POM121: variants seen among roughly 807,000 people sequenced by gnomAD.
The protein encoded by POM121 is nuclear envelope pore membrane protein POM 121.
A neutral mutation model predicts 81.3 loss-of-function variants in POM121; 32 were observed. The ratio of observed to expected loss-of-function variants is 0.39; its 90% CI spans 0.30 to 0.53. The LOEUF (loss-of-function observed/expected upper bound fraction) is 0.53, where lower values mean the gene tolerates loss of function less well. Among genes scored for constraint, POM121 ranks in the 20% least tolerant of loss-of-function variants. POM121 has a pLI of 0.66. For synonymous variants in POM121, 514 were observed against 694.2 expected (o/e 0.74, Z 4.08); for missense variants, 1,138 against 1,614.6 (o/e 0.70, Z 5.06).
In POM121 at chr7:72,899,640, G is replaced by A. The variant is rs1367362714; in HGVS notation, c.-216+8530G>A. 6.7e-5 allele frequency among the ~76,000 whole-genome samples: 10 copies of A among 148,760 alleles called. No homozygotes were observed. The Admixed American group carries it at 6.8e-4, about 10-fold the overall frequency. ...GTCGCCCAGGCTGGAGTGCAGTGGC[G>A]CACTCTCGGCTCACTGCAAGCTCCG... On this transcript the variant is annotated intron_variant, in intron 3 of 15. Transcript: ENST00000395270.
chr7:72,899,281 G>A (rs572046466), intron 3 of POM121, among the ~76,000 whole-genome samples: 3 of 152,120 alleles, frequency 2.0e-5, no homozygotes, highest in East Asian at 3.9e-4. Context: ...CACAGTGCCC[G>A]GCCTATTTTG....
At chr7:72,889,213 T>C (rs2129574744) in intron 1 of POM121, among the ~76,000 whole-genome samples, 1 of 152,366 alleles carries the variant, frequency 6.6e-6, no homozygotes, top group Non-Finnish European at 1.5e-5. Flanking sequence ...TTTTATCAGC[T>C]CCTTTGGCCT....
chr7:72,891,930 G>A (rs1429645358), intron 3 of POM121, among the ~76,000 whole-genome samples: 2 of 152,116 alleles, frequency 1.3e-5, no homozygotes, highest in South Asian at 2.1e-4. Context: ...TGTGGTGTAC[G>A]TTATTTCCCC....
chr7:72,922,110 ACT>A (rs1794867949), upstream of POM121, among the ~76,000 whole-genome samples: 1 of 152,182 alleles, frequency 6.6e-6, no homozygotes, highest in Non-Finnish European at 1.5e-5. Flanking sequence ...AAATCCTGTT[ACT>A]TTAGTCTTTA....
chr7:72,942,915 C>T lies in POM121; in HGVS notation c.2922C>T (p.Ala974=), dbSNP rs141295916. 5.4e-4 allele frequency: 863 copies of T among 1,601,332 alleles called. No individual in the cohort carries two copies. The African/African-American group carries it at 9.4e-3, about 17-fold the overall frequency. Residue 974 remains alanine, a synonymous_variant, in exon 11 of 13, where the codon GCC becomes GCT. Coordinates refer to ENST00000434423, the MANE Select transcript of POM121 (RefSeq NM_001387691.1). The part of the protein sequence containing the change: ...PGANPQPAFG[A]AEGQPPGAAK... ...CCAACCCCCAGCCCGCATTTGGGGC[C>T]GCTGAGGGGCAGCCACCGGGGGCCG...
chr7:72,927,078 C>A, intron 3 of POM121, 115 bp downstream of exon 3: 1 of 1,529,044 alleles, frequency 6.5e-7, no homozygotes, highest in Admixed American at 1.8e-5. Flanking sequence ...CCTTCGTAGG[C>A]CCCCTTCTTT....
At chr7:72,918,992 G>T (rs1247213152) in intron 4 of POM121, among the ~76,000 whole-genome samples, 1 of 152,022 alleles carries the variant, frequency 6.6e-6, no homozygotes, top group Non-Finnish European at 1.5e-5. Flanking sequence ...GTAGAGACAG[G>T]GTTTCACCGT....
At chr7:72,905,899 C>T (rs1219635427) in intron 3 of POM121, among the ~76,000 whole-genome samples, 23 of 152,096 alleles carry the variant, frequency 1.5e-4, no homozygotes, top group Admixed American at 6.6e-4. Flanking sequence ...TCTAAGCTTC[C>T]GTATATCCTG....
intron 3 of POM121, among the ~76,000 whole-genome samples, chr7:72,901,147 T>G (rs1184292430): frequency 1.3e-5 from 2 of 151,878 alleles, no homozygotes; most frequent in Non-Finnish European, 2.9e-5. Flanking sequence ...CACCATGCCC[T>G]GCTGACAGGT....
At chr7:72,934,189 A>G (rs1796292952) in intron 5 of POM121, among the ~76,000 whole-genome samples, 1 of 151,898 alleles carries the variant, frequency 6.6e-6, no homozygotes. Flanking sequence ...GGTTCAAGCA[A>G]TTCCCCAGTC....
chr7:72,936,758 A>G (rs1796551389), intron 5 of POM121, among the ~76,000 whole-genome samples: 1 of 152,090 alleles, frequency 6.6e-6, no homozygotes, highest in East Asian at 1.9e-4. Context: ...TGTATCCCTC[A>G]GTGTCTGGAG....
At chr7:72,926,704 G>A (rs564579028) in intron 2 of POM121, 98 bp from the exon 3 acceptor site, 18 of 1,525,242 alleles carry the variant, frequency 1.2e-5, no homozygotes, top group Non-Finnish European at 1.6e-5. Context: ...TTATACTTTG[G>A]CCTGTTGGTT....
At chr7:72,890,613 T>C (rs1791211254) in intron 1 of POM121, 2 of 1,599,552 alleles carry the variant, frequency 1.3e-6, no homozygotes, top group Non-Finnish European at 8.5e-7. Context: ...ATTCTGATCA[T>C]GTTGCCATTA....
rs1276021431 is a variant in POM121, at chr7:72,940,897, G to A, written c.1747G>A (p.Ala583Thr). The A allele has an allele frequency of 6.4e-7, 1 of 1,571,016 alleles. No homozygotes were observed. The highest frequency in any genetic ancestry group is 8.7e-7 in the Non-Finnish European group (1 of 1,147,304). Residue 583 changes from alanine to threonine, a missense_variant, in exon 10 of 13, where the codon GCC (alanine) becomes ACC (threonine). Ala to Thr is a moderately conservative substitution (Grantham distance 58, BLOSUM62 0). This residue lies in a region of POM121 where 25 missense variants were observed against 214.1 expected (regional missense o/e 0.12). Transcript: ENST00000434423. ...FTFTLPAAAP[A>T]SPPTSLLAPS... ...CTTTACCCTGCCTGCTGCTGCACCT[G>A]CCTCCCCACCCACCTCCCTCCTGGC...
At chr7:72,930,419 A>C (rs1554498397) in intron 5 of POM121, among the ~76,000 whole-genome samples, 1 of 152,248 alleles carries the variant, frequency 6.6e-6, no homozygotes, top group Non-Finnish European at 1.5e-5. Context: ...TTGAGTGATC[A>C]ATATAGGCCA....
chr7:72,923,118 C>CT (rs1447341220), upstream of POM121, among the ~76,000 whole-genome samples: 4 of 149,722 alleles, frequency 2.7e-5, no homozygotes, highest in South Asian at 2.2e-4. Context: ...CCCCAACCCC[C>CT]CCCCCCTTTT....
chr7:72,930,458 A>G (rs1175363862), intron 5 of POM121, among the ~76,000 whole-genome samples: 9 of 152,256 alleles, frequency 5.9e-5, no homozygotes, highest in Non-Finnish European at 8.8e-5. Flanking sequence ...CCCAGAATGT[A>G]CAGCAGTGCA....
At chr7:72,949,869 C>T (rs1554504408), downstream of POM121, 1 of 1,594,284 alleles carries the variant, frequency 6.3e-7, no homozygotes, top group Non-Finnish European at 8.6e-7. Context: ...GAAGAGCAGC[C>T]AAGTGACTGG....
chr7:72,889,062 C>T (rs1791038058), intron 1 of POM121, among the ~76,000 whole-genome samples: 1 of 152,044 alleles, frequency 6.6e-6, no homozygotes. Flanking sequence ...GGTTATGTTT[C>T]ATTTTGGGTA....
Sources: allele counts gnomAD v4.1 joint callset (sites outside exome capture counted in the v4.1 genomes callset), GRCh38; gene constraint gnomAD v4.1.1; regional missense constraint gnomAD v4.1.1; transcripts MANE v1.5; gene names NCBI Gene and HGNC (gene_info 2026-07-23, HGNC 2026-07-21).